FBXL20: variants seen among roughly 807,000 people sequenced by gnomAD.
The protein encoded by FBXL20 is F-box and leucine rich repeat protein 20, also known as F-box/LRR-repeat protein 20.
FBXL20 carries 11 observed loss-of-function variants against 64.0 expected under a neutral mutation model. The observed-to-expected ratio is 0.17, with a 90% CI of 0.11 to 0.28. The LOEUF (loss-of-function observed/expected upper bound fraction) is 0.28, where lower values mean the gene tolerates loss of function less well. FBXL20 is among the 10% of genes least tolerant of loss of function. The pLI is 1.00. For missense variants in FBXL20, 303 were observed against 526.2 expected, an observed-to-expected ratio of 0.58 and a Z score of 4.15; for synonymous variants, 184 against 189.0, an observed-to-expected ratio of 0.97 and a Z score of 0.22.
intron 1 of FBXL20, among the ~76,000 whole-genome samples, chr17:39,354,211 G>C (rs1275646094): frequency 1.3e-5 from 2 of 152,148 alleles, no homozygotes; most frequent in Non-Finnish European, 2.9e-5. Context: ...TTTGTTTAAT[G>C]ATATATAGTG....
chr17:39,283,411 A>G (rs2046964109), intron 7 of FBXL20, among the ~76,000 whole-genome samples: 1 of 151,916 alleles, frequency 6.6e-6, no homozygotes, highest in Non-Finnish European at 1.5e-5. Flanking sequence ...AAAGTTTGGG[A>G]TTTTGAAGCA....
upstream of FBXL20, chr17:39,401,845 T>G (rs947021065): frequency 1.3e-5 from 6 of 449,562 alleles, no homozygotes; most frequent in South Asian, 3.1e-4. Flanking sequence ...CACGACCCCC[T>G]GCGCCTCCGA....
intron 1 of FBXL20, among the ~76,000 whole-genome samples, chr17:39,382,214 T>A (rs961145743): frequency 6.6e-6 from 1 of 150,420 alleles, no homozygotes; most frequent in African/African-American, 2.5e-5. Flanking sequence ...GAGGCCGAGG[T>A]GGGCAGATCA....
chr17:39,387,991 C>T (rs1057451276), intron 1 of FBXL20, among the ~76,000 whole-genome samples: 6 of 152,122 alleles, frequency 3.9e-5, no homozygotes, highest in Non-Finnish European at 8.8e-5. Context: ...TTACATATTT[C>T]ATTTGAATAT....
At chr17:39,308,929 A>T (rs993095532) in intron 2 of FBXL20, among the ~76,000 whole-genome samples, 32 of 151,984 alleles carry the variant, frequency 2.1e-4, no homozygotes, top group African/African-American at 7.5e-4. Flanking sequence ...TTATAGGCAT[A>T]GCCTTGAGGC....
At chr17:39,324,226 A>T (rs1451168930) in intron 2 of FBXL20, among the ~76,000 whole-genome samples, 2 of 149,682 alleles carry the variant, frequency 1.3e-5, no homozygotes, top group Admixed American at 6.6e-5. Flanking sequence ...CCTAGCTCGG[A>T]CCTACAGATT....
At chr17:39,388,926 A>AC (rs1354508678) in intron 1 of FBXL20, among the ~76,000 whole-genome samples, 242 of 146,488 alleles carry the variant, frequency 1.7e-3, no homozygotes, top group African/African-American at 5.9e-3. Context: ...ACATAATGAA[A>AC]CCCCCATCTC....
In FBXL20 at chr17:39,257,489, T is replaced by C. The variant is rs2046705882; in HGVS notation, c.*3971A>G. On this transcript the variant is annotated 3_prime_UTR_variant, in exon 15 of 15. Transcript: ENST00000264658. ...TGCAAAAGCTACTTAAGGAATACTT[T>C]TACCTTCAGTAAAGACAAGAGCAGA... The C allele has an allele frequency of 6.6e-6, 1 of 152,222 alleles. No individual in the cohort carries two copies. The highest frequency in any genetic ancestry group is 1.5e-5 in the Non-Finnish European group (1 of 68,038). The allele number at this position is 152,222 out of a possible 1,614,324, so 9.4% of individuals were successfully genotyped here.
intron 11 of FBXL20, among the ~76,000 whole-genome samples, chr17:39,269,216 G>A (rs558786963): frequency 3.7e-4 from 56 of 151,462 alleles, no homozygotes; most frequent in African/African-American, 1.2e-3. Flanking sequence ...TTTTTGAGAT[G>A]GAGTCTGGCT....
chr17:39,314,605 C>A (rs919229520), intron 2 of FBXL20, among the ~76,000 whole-genome samples: 4 of 152,074 alleles, frequency 2.6e-5, no homozygotes, highest in Non-Finnish European at 5.9e-5. Flanking sequence ...TAGTGATCCA[C>A]CTGCCTCGGC....
chr17:39,383,490 C>T (rs2048046334), intron 1 of FBXL20, among the ~76,000 whole-genome samples: 1 of 151,676 alleles, frequency 6.6e-6, no homozygotes, highest in African/African-American at 2.4e-5. Context: ...AGGATAATCA[C>T]CAAGTCTGTA....
intron 14 of FBXL20, among the ~76,000 whole-genome samples, chr17:39,262,773 C>T (rs937206455): frequency 6.6e-6 from 1 of 150,438 alleles, no homozygotes; most frequent in Admixed American, 6.6e-5. Context: ...CTGAAGCGGG[C>T]GGATCACGAG....
rs1567854894 is a variant in FBXL20, at chr17:39,264,167, A to G, written c.1203+8T>C. The G allele has an allele frequency of 1.2e-6, 2 of 1,613,774 alleles. No homozygotes were observed. Among genetic ancestry groups the G allele is most frequent in the Admixed American group, 1.7e-5 (1 of 60,022 alleles). On this transcript the variant is annotated splice_region_variant and intron_variant, in intron 14 of 14. Transcript: ENST00000264658. ...ACTAGAGTTGGAGAGTTATGTAGCCATTTTTACCCTGAGTCTCTTGATTCC... is the reference window on the plus strand; with the variant it reads ...ACTAGAGTTGGAGAGTTATGTAGCCGTTTTTACCCTGAGTCTCTTGATTCC...
At chr17:39,333,678 G>T (rs181499139) in intron 2 of FBXL20, among the ~76,000 whole-genome samples, 1 of 151,912 alleles carries the variant, frequency 6.6e-6, no homozygotes, top group Non-Finnish European at 1.5e-5. Context: ...CTTCCCGGCC[G>T]TCATCCCGTC....
At chr17:39,307,279 A>G (rs1163312075) in intron 2 of FBXL20, among the ~76,000 whole-genome samples, 1 of 144,122 alleles carries the variant, frequency 6.9e-6, no homozygotes, top group Non-Finnish European at 1.5e-5. Context: ...GAAAATTTCA[A>G]TTAGTGATGA....
chr17:39,291,024 C>T (rs576946135), intron 6 of FBXL20, among the ~76,000 whole-genome samples: 7 of 151,368 alleles, frequency 4.6e-5, no homozygotes, highest in South Asian at 2.1e-4. Flanking sequence ...TGCAGTGGCG[C>T]GATCTCGGCT....
intron 2 of FBXL20, among the ~76,000 whole-genome samples, chr17:39,334,097 A>G (rs1466363762): frequency 3.3e-5 from 5 of 152,232 alleles, no homozygotes; most frequent in African/African-American, 9.6e-5. Flanking sequence ...AGAAGTAGAC[A>G]TAGGAGACTC....
At chr17:39,353,117 T>C (rs1050390472) in intron 1 of FBXL20, among the ~76,000 whole-genome samples, 2 of 152,160 alleles carry the variant, frequency 1.3e-5, no homozygotes, top group African/African-American at 4.8e-5. Context: ...CTGCAGATGA[T>C]TGCAGGGATA....
intron 11 of FBXL20, among the ~76,000 whole-genome samples, chr17:39,269,814 G>A (rs759968520): frequency 2.0e-5 from 3 of 151,942 alleles, no homozygotes; most frequent in Non-Finnish European, 4.4e-5. Flanking sequence ...ATTTCTTACA[G>A]AGATGAAATT....
Sources: gnomAD v4.1 joint callset for allele counts (sites outside exome capture counted in the v4.1 genomes callset) on GRCh38, gnomAD v4.1.1 for gene constraint, MANE v1.5 for transcripts, NCBI Gene and HGNC (gene_info 2026-07-23, HGNC 2026-07-21) for gene names.